The following NLGN4X variants were observed in gnomAD, a reference collection of about 807,000 sequenced individuals.
NLGN4X encodes neuroligin 4 X-linked.
Under a neutral mutation model 40.3 loss-of-function variants are expected in NLGN4X, and 3 were observed. That is an observed-to-expected ratio of 0.07 (90% CI 0.03 to 0.19). NLGN4X has a LOEUF of 0.19. Ranked by LOEUF, NLGN4X falls within the 10% of genes least tolerant of loss-of-function variation. The pLI is 1.00. For synonymous variants in NLGN4X, 270 were observed against 306.8 expected, an observed-to-expected ratio of 0.88 and a Z score of 1.25; for missense variants, 382 against 708.3, an observed-to-expected ratio of 0.54 and a Z score of 5.23.
intron 3 of NLGN4X, among the ~76,000 whole-genome samples, chrX:5,924,254 G>A (rs1283458715): frequency 9.1e-6 from 1 of 110,477 alleles, no homozygotes; most frequent in African/African-American, 3.3e-5. Context: ...CAAAACCCAG[G>A]ACAATGTTCA....
intron 2 of NLGN4X, among the ~76,000 whole-genome samples, chrX:6,123,533 G>A (rs2039471840): frequency 9.0e-6 from 1 of 111,475 alleles, no homozygotes; most frequent in Non-Finnish European, 1.9e-5. Context: ...TTTTTAACAT[G>A]ATCTAGAGCC....
chrX:6,073,759 G>A lies in NLGN4X; in HGVS notation c.473-44327C>T, dbSNP rs185158148. On this transcript the variant is annotated intron_variant, in intron 2 of 5. Coordinates refer to ENST00000381095, the MANE Select transcript of NLGN4X (RefSeq NM_181332.3). ...AAAAAGCATGTTTGCACAACAATGT[G>A]AATGTACTTAATACTCTTGAACTGC... Among the ~76,000 whole-genome samples, 22 of 111,215 alleles carry A rather than the reference G, an allele frequency of 2.0e-4. No homozygotes were observed. The East Asian group carries it at 4.6e-3, about 23-fold the overall frequency.
chrX:6,197,518 C>CTGCTGGGCCTCCCAAAG (rs1923222984), intron 1 of NLGN4X, among the ~76,000 whole-genome samples: 1 of 108,358 alleles, frequency 9.2e-6, no homozygotes, highest in Non-Finnish European at 1.9e-5. Context: ...CGGTTGGTGC[C>CTGCTGGGCCTCCCAAAG]TGCTGGGCCT....
intron 2 of NLGN4X, among the ~76,000 whole-genome samples, chrX:6,148,978 T>G (rs1394420216): frequency 1.8e-5 from 2 of 112,041 alleles, no homozygotes; most frequent in African/African-American, 3.2e-5. Flanking sequence ...GGGAGATCGA[T>G]TCTACCTTTT....
chrX:5,941,938 A>G (rs183950165), intron 3 of NLGN4X, among the ~76,000 whole-genome samples: 3 of 112,175 alleles, frequency 2.7e-5, no homozygotes, highest in Admixed American at 9.5e-5. Flanking sequence ...AATGGTTTCT[A>G]CATGTTGAGT....
intron 2 of NLGN4X, among the ~76,000 whole-genome samples, chrX:6,092,766 AAT>A (rs1283126053): frequency 8.9e-6 from 1 of 112,262 alleles, no homozygotes; most frequent in African/African-American, 3.2e-5. Flanking sequence ...TGTTGAAATA[AAT>A]AGAAATTAAT....
intron 3 of NLGN4X, among the ~76,000 whole-genome samples, chrX:5,952,443 C>G (rs184573061): frequency 1.0e-4 from 11 of 109,193 alleles, no homozygotes; most frequent in African/African-American, 3.7e-4. Flanking sequence ...CCCTCTATGG[C>G]TGCTTCTCAT....
chrX:6,173,819 A>T (rs752268818), intron 1 of NLGN4X, among the ~76,000 whole-genome samples: 96 of 112,123 alleles, frequency 8.6e-4, no homozygotes, highest in African/African-American at 2.9e-3. Context: ...GCACTTCAGG[A>T]GGCCGAGGCA....
At chrX:6,067,021 G>T (rs562092944) in intron 2 of NLGN4X, among the ~76,000 whole-genome samples, 1 of 110,525 alleles carries the variant, frequency 9.0e-6, no homozygotes, top group Middle Eastern at 4.6e-3. Flanking sequence ...AGGTGAGAGG[G>T]TCACTTAAGC....
intron 1 of NLGN4X, among the ~76,000 whole-genome samples, chrX:6,200,115 A>C (rs145409363): frequency 9.8e-5 from 11 of 112,146 alleles, no homozygotes; most frequent in South Asian, 3.7e-4. Flanking sequence ...TCATTTCTTT[A>C]ATAAATACCC....
At chrX:6,132,646 A>G (rs1427980611) in intron 2 of NLGN4X, among the ~76,000 whole-genome samples, 3 of 111,680 alleles carry the variant, frequency 2.7e-5, no homozygotes, top group African/African-American at 9.8e-5. Flanking sequence ...TCAAAATGCC[A>G]TTGGAAATAT....
chrX:6,002,627 A>T (rs1354635380), intron 3 of NLGN4X, among the ~76,000 whole-genome samples: 1 of 112,372 alleles, frequency 8.9e-6, no homozygotes, highest in Non-Finnish European at 1.9e-5. Flanking sequence ...AGGCAGGGAA[A>T]TTCTGGGCAG....
At chrX:6,207,160 T>C (rs184907083) in intron 1 of NLGN4X, among the ~76,000 whole-genome samples, 1 of 111,545 alleles carries the variant, frequency 9.0e-6, no homozygotes, top group African/African-American at 3.3e-5. Flanking sequence ...TTTATCATCA[T>C]ACAAAAATGA....
intron 3 of NLGN4X, among the ~76,000 whole-genome samples, chrX:5,942,295 C>A (rs1408706563): frequency 3.6e-5 from 4 of 110,506 alleles, no homozygotes; most frequent in Non-Finnish European, 5.7e-5. Context: ...TAAAAATAGA[C>A]AAATTATTTG....
chrX:5,942,359 T>C (rs1471056237), intron 3 of NLGN4X, among the ~76,000 whole-genome samples: 1 of 111,682 alleles, frequency 9.0e-6, no homozygotes, highest in Non-Finnish European at 1.9e-5. Context: ...TCCATAACTA[T>C]GTGCACTACC....
At chrX:5,987,899 C>T (rs1016751502) in intron 3 of NLGN4X, among the ~76,000 whole-genome samples, 1 of 111,566 alleles carries the variant, frequency 9.0e-6, no homozygotes, top group African/African-American at 3.3e-5. Flanking sequence ...CATAGTAAGA[C>T]TCTGTCTCAG....
chrX:5,939,679 G>T (rs745933980), intron 3 of NLGN4X, among the ~76,000 whole-genome samples: 3 of 111,339 alleles, frequency 2.7e-5, no homozygotes, highest in Admixed American at 9.6e-5. Context: ...TTCAAATTAT[G>T]ATTTTCAGTC....
intron 5 of NLGN4X, among the ~76,000 whole-genome samples, chrX:5,899,285 T>C (rs2031707133): frequency 8.9e-6 from 1 of 111,898 alleles, no homozygotes; most frequent in Admixed American, 9.4e-5. Context: ...GGACTGACAT[T>C]CGAGCTCTGG....
rs780187277 is a variant in NLGN4X, at chrX:5,893,360, G to A, written c.1908C>T (p.Thr636=). The change falls in exon 6 of 6, where the codon ACC becomes ACT. Residue 636 remains threonine, a synonymous_variant. Transcript: ENST00000381095. ...TGGCAGGAGTGATTGCTGGGCGTTT[G>A]GTGGTTGGCCATATCTTGGCGGGAG... ...RRSPAKIWPT[T]KRPAITPANN... 8.3e-7 allele frequency: 1 copy of A among 1,211,355 alleles called. No individual in the cohort carries two copies. Among genetic ancestry groups the A allele is most frequent in the Non-Finnish European group, 1.1e-6 (1 of 895,380 alleles).
Sources: allele counts gnomAD v4.1 joint callset (sites outside exome capture counted in the v4.1 genomes callset), GRCh38; gene constraint gnomAD v4.1.1; transcripts MANE v1.5; gene names NCBI Gene and HGNC (gene_info 2026-07-23, HGNC 2026-07-21).